GFPT2: variants seen among roughly 807,000 people sequenced by gnomAD.
GFPT2 encodes glutamine--fructose-6-phosphate transaminase 2.
A neutral mutation model predicts 85.6 loss-of-function variants in GFPT2; 62 were observed. The ratio of observed to expected loss-of-function variants is 0.72; its 90% CI spans 0.59 to 0.90. The LOEUF (loss-of-function observed/expected upper bound fraction) is 0.90. GFPT2 is among the 40% of genes least tolerant of loss of function. The pLI is 0.00. For synonymous variants in GFPT2, 368 were observed against 344.5 expected (o/e 1.07, Z -0.75); for missense variants, 788 against 893.4 (o/e 0.88, Z 1.50).
At chr5:180,340,406 A>G (rs1764490851) in intron 1 of GFPT2, among the ~76,000 whole-genome samples, 2 of 150,268 alleles carry the variant, frequency 1.3e-5, no homozygotes, top group Non-Finnish European at 2.9e-5. Context: ...GGGTTTCTCC[A>G]TGTTGGCCAG....
chr5:180,307,360 T>G, intron 15 of GFPT2, 57 bp from the exon 16 acceptor site: 1 of 1,579,820 alleles, frequency 6.3e-7, no homozygotes, highest in Middle Eastern at 1.7e-4. Flanking sequence ...TAAAGCAATA[T>G]TCATGAAGAC....
intron 17 of GFPT2, among the ~76,000 whole-genome samples, chr5:180,303,941 G>A (rs144524353): frequency 6.6e-6 from 1 of 152,286 alleles, no homozygotes; most frequent in African/African-American, 2.4e-5. Flanking sequence ...TAGAAGGTTG[G>A]GGCTTTGAGA....
chr5:180,307,199 C>T lies in GFPT2; in HGVS notation c.1651G>A (p.Ala551Thr), dbSNP rs1194762609. 8.1e-6 allele frequency: 13 copies of T among 1,597,132 alleles called. No homozygotes were observed. The South Asian group carries it at 9.1e-5, about 11-fold the overall frequency. ...LLVMGRGYNY[A>T]TCLEGALKIK... Reference sequence around the variant, plus strand: ...ACCAGGGCTCCTTCCAGGCAGGTGGCATAGTTGTAGCCCCGCCCCATCACC... The same window carrying T: ...ACCAGGGCTCCTTCCAGGCAGGTGGTATAGTTGTAGCCCCGCCCCATCACC... The change falls in exon 16 of 19, where the codon GCC becomes ACC. Residue 551 changes from alanine (A) to threonine (T), a missense_variant. Ala to Thr is a moderately conservative substitution (Grantham distance 58, BLOSUM62 0). Transcript: ENST00000253778.
intron 1 of GFPT2, among the ~76,000 whole-genome samples, chr5:180,348,976 G>A (rs34992800): frequency 0.27 from 40,735 of 150,938 alleles, 5,696 homozygotes; most frequent in Admixed American, 0.32. Flanking sequence ...TCCTGACCTC[G>A]TGATCCACCC....
Position 180,325,091 on chromosome 5 carries a change from A to T in GFPT2, c.597-196T>A, listed in dbSNP as rs138198321. On this transcript the variant is annotated intron_variant, in intron 7 of 18. Coordinates refer to ENST00000253778, the MANE Select transcript of GFPT2 (RefSeq NM_005110.4). ...CTGAGTCCCAGGTCCCTGACTTGGC[A>T]TCACCCACCTGCCCAGAAAGCTTGG... Among the ~76,000 whole-genome samples the T allele has an allele frequency of 8.9e-3, 1,359 of 152,234 alleles. 14 individuals are homozygous for T. The highest frequency in any genetic ancestry group is 0.032 in the African/African-American group (1,313 of 41,522).
chr5:180,352,143 G>T (rs1764721791), intron 1 of GFPT2, among the ~76,000 whole-genome samples: 2 of 152,048 alleles, frequency 1.3e-5, no homozygotes, highest in South Asian at 4.1e-4. Flanking sequence ...TGCCCGCTCC[G>T]CCGTAGGTCG....
intron 9 of GFPT2, among the ~76,000 whole-genome samples, chr5:180,321,873 T>C (rs1764129305): frequency 6.6e-6 from 1 of 152,278 alleles, no homozygotes. Flanking sequence ...AAGCTCCGCC[T>C]CCCGGGTTCA....
At position 180,304,872 on chromosome 5, in the gene GFPT2, A is replaced by G. The variant is rs1763745533; in HGVS notation, c.1742T>C (p.Leu581Pro). ...ILAGELKHGP[L>P]ALIDKQMPVI... ...GGGCATCTGCTTGTCAATCAGTGCC[A>G]GGGGCCCGTGCTTCAGCTCCCCAGC... The change falls in exon 17 of 19, where the codon CTG (leucine) becomes CCG (proline). Residue 581 changes from leucine (L) to proline (P), a missense_variant. Transcript: ENST00000253778. 1 of 1,612,994 alleles carries G rather than the reference A, an allele frequency of 6.2e-7. No individual in the cohort carries two copies. Among genetic ancestry groups the G allele is most frequent in the Non-Finnish European group, 8.5e-7 (1 of 1,179,038 alleles).
At chr5:180,338,674 T>C in intron 1 of GFPT2, 74 bp from the exon 2 acceptor site, 1 of 849,270 alleles carries the variant, frequency 1.2e-6, no homozygotes, top group Non-Finnish European at 1.9e-6. Context: ...TTCTGGGGGA[T>C]GCACCGAGGT....
At chr5:180,344,379 T>A (rs530270970) in intron 1 of GFPT2, among the ~76,000 whole-genome samples, 2 of 152,154 alleles carry the variant, frequency 1.3e-5, no homozygotes, top group African/African-American at 4.8e-5. Context: ...CCATGGCACA[T>A]GTGCCCCTAT....
At chr5:180,319,036 G>C (rs141324280) in intron 9 of GFPT2, 80 bp from the exon 10 acceptor site, 1 of 1,363,044 alleles carries the variant, frequency 7.3e-7, no homozygotes, top group Non-Finnish European at 1.0e-6. Flanking sequence ...GTTCCCAAGC[G>C]TGGAGGCCAC....
chr5:180,327,208 T>C (rs1043294485), intron 7 of GFPT2, among the ~76,000 whole-genome samples: 1 of 152,172 alleles, frequency 6.6e-6, no homozygotes, highest in Admixed American at 6.5e-5. Flanking sequence ...CACAGGGCAC[T>C]GAGGCCATTT....
At chr5:180,305,773 A>G (rs1561871148) in intron 16 of GFPT2, among the ~76,000 whole-genome samples, 1 of 152,118 alleles carries the variant, frequency 6.6e-6, no homozygotes, top group Non-Finnish European at 1.5e-5. Context: ...GGGGACTGAC[A>G]GTGCACCCCA....
chr5:180,311,149 G>A (rs76135179), intron 15 of GFPT2, among the ~76,000 whole-genome samples: 1,813 of 152,312 alleles, frequency 0.012, 32 homozygotes, highest in African/African-American at 0.041. Context: ...TGGCTCCCAG[G>A]GAAGCTCCAG....
At chr5:180,316,717 G>T in intron 12 of GFPT2, 47 bp downstream of exon 12, 1 of 1,340,434 alleles carries the variant, frequency 7.5e-7, no homozygotes, top group Non-Finnish European at 1.1e-6. Flanking sequence ...GCCAGTGTCT[G>T]GTCCTAGACT....
chr5:180,351,943 G>A (rs1333437282), intron 1 of GFPT2, among the ~76,000 whole-genome samples: 2 of 152,198 alleles, frequency 1.3e-5, no homozygotes, highest in Non-Finnish European at 2.9e-5. Flanking sequence ...GCTACACTGA[G>A]AGGTGTGGAA....
chr5:180,330,552 G>A lies in GFPT2; in HGVS notation c.534+148C>T, dbSNP rs933511382. On this transcript the variant is annotated intron_variant, in intron 6 of 18. Transcript: ENST00000253778. This position sits in a 1 kb window ranked among gnomAD's most constrained non-coding sequence, Gnocchi z 4.4. ...ATCTTAAGGCCAGGCTCTGCAGATG[G>A]GCTGTCTTTTATCCCCAGGACTCTG... 9 of 632,358 alleles carry A rather than the reference G, an allele frequency of 1.4e-5. No individual in the cohort carries two copies. Among genetic ancestry groups the A allele is most frequent in the Non-Finnish European group, 2.2e-5 (8 of 362,442 alleles). The allele number at this position is 632,358 out of a possible 1,614,324, so 39.2% of individuals were successfully genotyped here.
rs142384846 is a variant in GFPT2, at chr5:180,320,031, C to T, written c.795-1075G>A. ...ATTTTGAGACAGAGTCTCGCTCTGT[C>T]GCCCAGGCTGGAGTGCAGTGGCGCG... On this transcript the variant is annotated intron_variant, in intron 9 of 18. Coordinates refer to ENST00000253778, the MANE Select transcript of GFPT2 (RefSeq NM_005110.4). Among the ~76,000 whole-genome samples, 660 of 152,166 alleles carry T rather than the reference C, an allele frequency of 4.3e-3. 5 individuals are homozygous for T. The highest frequency in any genetic ancestry group is 0.015 in the African/African-American group (618 of 41,508).
At chr5:180,322,234 G>T (rs1056595599) in intron 9 of GFPT2, among the ~76,000 whole-genome samples, 4 of 151,690 alleles carry the variant, frequency 2.6e-5, no homozygotes, top group Admixed American at 2.0e-4. Context: ...GAGGCAGGAG[G>T]ATCCCTTGAG....
Sources: gnomAD v4.1 joint callset for allele counts (sites outside exome capture counted in the v4.1 genomes callset) on GRCh38, gnomAD v4.1.1 for gene constraint, Gnocchi (gnomAD v3.1) non-coding constraint, MANE v1.5 for transcripts, NCBI Gene and HGNC (gene_info 2026-07-23, HGNC 2026-07-21) for gene names.